TMEM196: variants seen among roughly 807,000 people sequenced by gnomAD.
The protein encoded by TMEM196 is transmembrane protein 196.
Under a neutral mutation model 20.0 loss-of-function variants are expected in TMEM196, and 17 were observed. The ratio of observed to expected loss-of-function variants is 0.85; its 90% CI spans 0.58 to 1.27. TMEM196 has a LOEUF of 1.27. Ranked by LOEUF, TMEM196 falls within the 50% of genes most tolerant of loss-of-function variation. TMEM196 has a pLI of 0.00. For synonymous variants in TMEM196, 113 were observed against 88.9 expected (o/e 1.27, Z -1.52); for missense variants, 267 against 223.0 (o/e 1.20, Z -1.26).
intron 1 of TMEM196, among the ~76,000 whole-genome samples, chr7:19,759,445 T>G (rs1562626519): frequency 1.3e-5 from 2 of 152,106 alleles, no homozygotes; most frequent in Non-Finnish European, 2.9e-5. Flanking sequence ...ACCAAACATA[T>G]GACCTTAAAA....
chr7:19,764,747 C>A (rs931017829), intron 1 of TMEM196, among the ~76,000 whole-genome samples: 1 of 152,052 alleles, frequency 6.6e-6, no homozygotes, highest in Admixed American at 6.6e-5. Context: ...CGATTTAGGT[C>A]CAATATCTTA....
chr7:19,732,804 T>A (rs1222366067), intron 1 of TMEM196, among the ~76,000 whole-genome samples: 1 of 152,120 alleles, frequency 6.6e-6, no homozygotes, highest in African/African-American at 2.4e-5. Context: ...ATTAAATGCA[T>A]CTTATTTTAT....
intron 1 of TMEM196, among the ~76,000 whole-genome samples, chr7:19,753,294 T>G (rs1283131275): frequency 6.6e-6 from 1 of 152,194 alleles, no homozygotes; most frequent in Non-Finnish European, 1.5e-5. Flanking sequence ...TTTTTTATTC[T>G]ATGTTATAAC....
chr7:19,729,719 T>A (rs1784128677), intron 1 of TMEM196, among the ~76,000 whole-genome samples: 2 of 152,358 alleles, frequency 1.3e-5, no homozygotes, highest in African/African-American at 4.8e-5. Flanking sequence ...GTTTCTCCCA[T>A]TTCTTTTCAC....
At chr7:19,747,204 G>T (rs1784786529) in intron 1 of TMEM196, among the ~76,000 whole-genome samples, 1 of 149,734 alleles carries the variant, frequency 6.7e-6, no homozygotes, top group Non-Finnish European at 1.5e-5. Context: ...GCAGTTAGCC[G>T]AGATCGCGCC....
intron 1 of TMEM196, among the ~76,000 whole-genome samples, chr7:19,762,367 G>A (rs1381358439): frequency 1.3e-5 from 2 of 151,922 alleles, no homozygotes; most frequent in Admixed American, 6.6e-5. Context: ...TACTTCTAGA[G>A]GGAAGTAAAA....
intron 1 of TMEM196, among the ~76,000 whole-genome samples, chr7:19,731,967 A>AT (rs1217709127): frequency 6.6e-6 from 1 of 152,250 alleles, no homozygotes; most frequent in African/African-American, 2.4e-5. Flanking sequence ...AACAGGAAGT[A>AT]TATGAAATCA....
intron 1 of TMEM196, among the ~76,000 whole-genome samples, chr7:19,766,545 A>G (rs1231673952): frequency 6.6e-6 from 1 of 151,004 alleles, no homozygotes; most frequent in Non-Finnish European, 1.5e-5. Flanking sequence ...ATATAGGATC[A>G]TATATATTAC....
chr7:19,732,993 A>G (rs139197409), intron 1 of TMEM196, among the ~76,000 whole-genome samples: 3 of 152,338 alleles, frequency 2.0e-5, no homozygotes, highest in African/African-American at 7.2e-5. Flanking sequence ...GAACCATGAG[A>G]AAATATGATT....
intron 1 of TMEM196, among the ~76,000 whole-genome samples, chr7:19,755,002 A>G (rs1446583367): frequency 1.9e-4 from 29 of 152,224 alleles, no homozygotes; most frequent in Admixed American, 1.9e-3. Context: ...TGGTAATATC[A>G]CGTAACTATG....
intron 1 of TMEM196, among the ~76,000 whole-genome samples, chr7:19,768,363 C>A (rs1562631514): frequency 6.6e-6 from 1 of 152,002 alleles, no homozygotes; most frequent in Non-Finnish European, 1.5e-5. Context: ...ATATTTTGTT[C>A]TGGATACCAT....
At chr7:19,764,864 C>T (rs1785564348) in intron 1 of TMEM196, among the ~76,000 whole-genome samples, 1 of 152,132 alleles carries the variant, frequency 6.6e-6, no homozygotes, top group Admixed American at 6.6e-5. Context: ...GCCTTTAAGA[C>T]ATCCTGCCTG....
chr7:19,760,919 T>C (rs57916046), intron 1 of TMEM196, among the ~76,000 whole-genome samples: 28,227 of 152,168 alleles, frequency 0.19, 3,059 homozygotes, highest in East Asian at 0.46. Flanking sequence ...CTTGTGCTCC[T>C]GGAGTCCCGC....
intron 2 of TMEM196, among the ~76,000 whole-genome samples, chr7:19,727,764 G>C (rs993088078): frequency 1.3e-5 from 2 of 152,140 alleles, no homozygotes; most frequent in East Asian, 3.9e-4. Context: ...CTTTGCTGAT[G>C]TCATTCTGAT....
chr7:19,769,993 GC>G (rs575889692), intron 1 of TMEM196, among the ~76,000 whole-genome samples: 3 of 152,096 alleles, frequency 2.0e-5, no homozygotes, highest in African/African-American at 7.2e-5. Context: ...GGAAACTTGG[GC>G]TAGTCACCCA....
rs1784402569 is a variant in TMEM196 at position 19,736,354 on chromosome 7, TATATATATATATA to T, written c.148-6929_148-6917del. 1.5e-4 allele frequency among the ~76,000 whole-genome samples: 13 copies of T among 88,100 alleles called. No homozygotes were observed. In the South Asian group the frequency reaches 1.6e-3, roughly 11 times the overall value. 57.8% of individuals were successfully genotyped at this position (88,100 alleles called of 152,430 possible). On this transcript the variant is annotated intron_variant, in intron 1 of 4. Coordinates refer to ENST00000405844, the MANE Select transcript of TMEM196 (RefSeq NM_001363562.2). ...ATCCCACTTTTCTAGTGGTTCCTACTATATATATATATATATATATATATATATATATATATAT... is the reference window on the plus strand; with the variant it reads ...ATCCCACTTTTCTAGTGGTTCCTACTTATATATATATATATATATATATAT...
intron 1 of TMEM196, among the ~76,000 whole-genome samples, chr7:19,746,350 T>G (rs1265125758): frequency 6.6e-6 from 1 of 152,192 alleles, no homozygotes; most frequent in Non-Finnish European, 1.5e-5. Context: ...TGGCAAGAAG[T>G]TGAAGTAGAA....
chr7:19,736,106 C>T (rs1206570895), intron 1 of TMEM196, among the ~76,000 whole-genome samples: 2 of 151,616 alleles, frequency 1.3e-5, no homozygotes, highest in East Asian at 3.9e-4. Flanking sequence ...ATTTTGAGAC[C>T]ACTAGTTCTT....
At chr7:19,754,230 T>C (rs1785110914) in intron 1 of TMEM196, among the ~76,000 whole-genome samples, 2 of 152,206 alleles carry the variant, frequency 1.3e-5, no homozygotes, top group Non-Finnish European at 2.9e-5. Flanking sequence ...TTAAATAAAA[T>C]TGTAGGTATA....
Sources: gnomAD v4.1 joint callset for allele counts (sites outside exome capture counted in the v4.1 genomes callset) on GRCh38, gnomAD v4.1.1 for gene constraint, MANE v1.5 for transcripts, NCBI Gene and HGNC (gene_info 2026-07-23, HGNC 2026-07-21) for gene names.